The following TBC1D30 variants were observed in gnomAD, a reference collection of about 807,000 sequenced individuals.
The protein encoded by TBC1D30 is TBC1 domain family, member 30.
In TBC1D30, 31 loss-of-function variants were observed where a neutral mutation model predicts 63.2. The observed-to-expected ratio is 0.49, with a 90% CI of 0.37 to 0.66. The LOEUF is 0.66. Ranked by LOEUF, TBC1D30 falls within the 30% of genes least tolerant of loss-of-function variation. The pLI, the probability that TBC1D30 is intolerant of heterozygous loss-of-function variation, is 0.00. For missense variants in TBC1D30, 810 were observed against 953.6 expected (o/e 0.85, Z 1.98); for synonymous variants, 307 against 361.5 (o/e 0.85, Z 1.71).
intron 8 of TBC1D30, among the ~76,000 whole-genome samples, chr12:64,851,925 C>G (rs55794069): frequency 2.6e-5 from 4 of 152,066 alleles, no homozygotes; most frequent in Non-Finnish European, 5.9e-5. Context: ...GTGGGTAAAC[C>G]GACCTTTCTT....
At chr12:64,848,852 T>C (rs530169173) in intron 8 of TBC1D30, among the ~76,000 whole-genome samples, 2 of 152,346 alleles carry the variant, frequency 1.3e-5, no homozygotes, top group South Asian at 4.1e-4. Flanking sequence ...ATTGCCACAC[T>C]GTCTTCCACA....
intron 10 of TBC1D30, chr12:64,868,152 T>C (rs537790361): frequency 1.2e-5 from 2 of 167,952 alleles, no homozygotes; most frequent in East Asian, 1.7e-4. Flanking sequence ...GCAGATGATA[T>C]CATATTTACC....
At chr12:64,796,107 A>G (rs1872247162) in intron 2 of TBC1D30, among the ~76,000 whole-genome samples, 1 of 145,602 alleles carries the variant, frequency 6.9e-6, no homozygotes, top group Non-Finnish European at 1.5e-5. Flanking sequence ...GTTTCTCCTC[A>G]TTTTCTTTAA....
intron 2 of TBC1D30, among the ~76,000 whole-genome samples, chr12:64,795,625 T>A (rs931268049): frequency 1.3e-5 from 2 of 152,182 alleles, no homozygotes; most frequent in Admixed American, 6.5e-5. Context: ...AGTTTGGGAT[T>A]TGGCTTTCTA....
intron 1 of TBC1D30, among the ~76,000 whole-genome samples, chr12:64,764,288 G>A (rs917272102): frequency 3.9e-5 from 6 of 151,984 alleles, no homozygotes; most frequent in African/African-American, 1.2e-4. Flanking sequence ...AATAAGTTGT[G>A]TTTTCATTTT....
chr12:64,850,562 G>T (rs1826088621), intron 8 of TBC1D30, among the ~76,000 whole-genome samples: 1 of 152,164 alleles, frequency 6.6e-6, no homozygotes, highest in Non-Finnish European at 1.5e-5. Context: ...TCCTGTTTAT[G>T]TGATGGATTA....
At chr12:64,811,174 A>T (rs1330952771) in intron 2 of TBC1D30, among the ~76,000 whole-genome samples, 1 of 152,234 alleles carries the variant, frequency 6.6e-6, no homozygotes, top group East Asian at 1.9e-4. Context: ...AGTTAATGAG[A>T]TTTTTATGAG....
chr12:64,785,968 AAGAT>A lies in TBC1D30; in HGVS notation c.569_572del (p.Asp190GlyfsTer13), dbSNP rs1445042252. On this transcript the variant is annotated frameshift_variant, in exon 2 of 13. Coordinates refer to the TBC1D30 transcript ENST00000542120. LOFTEE classifies it high-confidence loss of function. ...AAGTTACTTCGGCATCTGAAGCAGA[AAGAT>A]AGGCTTCTGCATAAAGTGCAGAGGA... 9.3e-6 allele frequency: 12 copies of A among 1,289,754 alleles called. No homozygotes were observed. Among genetic ancestry groups the A allele is most frequent in the African/African-American group, 6.1e-5 (4 of 65,880 alleles). 79.9% of individuals were successfully genotyped at this position (1,289,754 alleles called of 1,614,324 possible). A position where few individuals can be genotyped will look rare whatever the true frequency, so the allele number is the denominator to read the frequency against.
intron 10 of TBC1D30, chr12:64,868,555 G>A (rs1878409946): frequency 3.4e-6 from 1 of 292,096 alleles, no homozygotes; most frequent in South Asian, 4.1e-5. Context: ...TCATAGATAA[G>A]CTTCCTCCTT....
intron 2 of TBC1D30, among the ~76,000 whole-genome samples, chr12:64,803,527 C>T (rs1201781940): frequency 3.3e-5 from 5 of 152,148 alleles, no homozygotes; most frequent in Non-Finnish European, 5.9e-5. Context: ...TCAATTTTGG[C>T]TTTTGTTGCC....
At position 64,878,220 on chromosome 12, in the gene TBC1D30, A is replaced by G. The variant is rs1221029373; in HGVS notation, c.*2432A>G. Reference sequence around the variant, plus strand: ...TGTACCAATAACATGCATGCATTGTACCAAGTAATCACAATGTGAATTGGT... The same window carrying G: ...TGTACCAATAACATGCATGCATTGTGCCAAGTAATCACAATGTGAATTGGT... On this transcript the variant is annotated 3_prime_UTR_variant, in exon 12 of 12. Coordinates refer to ENST00000539867, the MANE Select transcript of TBC1D30 (RefSeq NM_015279.2). The G allele has an allele frequency of 3.2e-6, 1 of 310,012 alleles. No individual in the cohort carries two copies. Among genetic ancestry groups the G allele is most frequent in the East Asian group, 7.6e-5 (1 of 13,080 alleles). 19.2% of individuals were successfully genotyped at this position (310,012 alleles called of 1,614,324 possible).
At position 64,864,647 on chromosome 12, in the gene TBC1D30, AT is replaced by A. The variant is rs1037563344; in HGVS notation, c.1039-16del. The A allele has an allele frequency of 5.3e-6, 8 of 1,497,528 alleles. No homozygotes were observed. In the African/African-American group the frequency reaches 1.1e-4, roughly 21 times the overall value. The allele number at this position is 1,497,528 out of a possible 1,614,324, so 92.8% of individuals were successfully genotyped here. ...TGAAGGCTACTGTTTCAGACTTGGC[AT>A]TTTTGCTTTTGTTTTACAGACTGTT... is the stretch of plus-strand genomic sequence containing the variant. On this transcript the variant is annotated intron_variant, in intron 8 of 11. Transcript: ENST00000539867.
chr12:64,821,451 C>T (rs970388657), upstream of TBC1D30, among the ~76,000 whole-genome samples: 40 of 152,122 alleles, frequency 2.6e-4, no homozygotes, highest in African/African-American at 9.7e-5. Context: ...TGATGGAAAC[C>T]GAGCATGAAT....
intron 1 of TBC1D30, among the ~76,000 whole-genome samples, chr12:64,826,488 T>C (rs1202622346): frequency 6.6e-6 from 1 of 152,166 alleles, no homozygotes; most frequent in African/African-American, 2.4e-5. Context: ...ACGTCATGAT[T>C]ATACGCTCCT....
At chr12:64,820,771 G>C (rs1873843001), upstream of TBC1D30, among the ~76,000 whole-genome samples, 1 of 152,206 alleles carries the variant, frequency 6.6e-6, no homozygotes, top group East Asian at 1.9e-4. Context: ...AAAAAACTGT[G>C]AGTCACACAA....
At chr12:64,781,918 A>G (rs1489878368) in intron 1 of TBC1D30, among the ~76,000 whole-genome samples, 1 of 145,538 alleles carries the variant, frequency 6.9e-6, no homozygotes, top group Non-Finnish European at 1.5e-5. Context: ...AGGGCCCTAG[A>G]GTGTTGAGGT....
Position 64,877,907 on chromosome 12 carries a change from G to T in TBC1D30, c.*2119G>T, listed in dbSNP as rs1245488934. The T allele has an allele frequency of 6.5e-6, 1 of 153,390 alleles. No homozygotes were observed. The highest frequency in any genetic ancestry group is 2.4e-5 in the African/African-American group (1 of 41,428). 9.5% of individuals were successfully genotyped at this position (153,390 alleles called of 1,614,324 possible). On this transcript the variant is annotated 3_prime_UTR_variant, in exon 12 of 12. Transcript: ENST00000539867. ...GCTCACTAGCTCCCTGATGGTCTGG[G>T]TTCAAGGAAATGGTTAATGAGGTAG...
intron 5 of TBC1D30, among the ~76,000 whole-genome samples, chr12:64,835,614 G>A (rs139704099): frequency 2.7e-3 from 415 of 152,276 alleles, no homozygotes; most frequent in African/African-American, 8.5e-3. Context: ...GAATTAGCAC[G>A]TGGATGCTCT....
chr12:64,871,550 A>C (rs1239347081), intron 11 of TBC1D30, among the ~76,000 whole-genome samples: 1 of 152,266 alleles, frequency 6.6e-6, no homozygotes, highest in Non-Finnish European at 1.5e-5. Context: ...GATCCTGCAC[A>C]AAAACTGAAT....
Sources: gnomAD v4.1 joint callset for allele counts (sites outside exome capture counted in the v4.1 genomes callset) on GRCh38, gnomAD v4.1.1 for gene constraint, MANE v1.5 for transcripts, NCBI Gene and HGNC (gene_info 2026-07-23, HGNC 2026-07-21) for gene names.